PASD1: variants seen among roughly 807,000 people sequenced by gnomAD.
PASD1 encodes the protein circadian clock protein PASD1.
Under a neutral mutation model 58.8 loss-of-function variants are expected in PASD1, and 13 were observed. The ratio of observed to expected loss-of-function variants is 0.22; its 90% CI spans 0.14 to 0.35. PASD1 has a LOEUF of 0.35. Among genes scored for constraint, PASD1 ranks in the 10% least tolerant of loss-of-function variants. The probability of loss-of-function intolerance (pLI) is 1.00; values close to 1 mark genes in which losing one functional copy is unlikely to be tolerated. For synonymous variants in PASD1, 236 were observed against 216.7 expected (o/e 1.09, Z -0.78); for missense variants, 734 against 568.3 (o/e 1.29, Z -2.96).
intron 4 of PASD1, among the ~76,000 whole-genome samples, chrX:151,613,118 G>A (rs780143635): frequency 4.5e-5 from 5 of 111,504 alleles, no homozygotes; most frequent in South Asian, 3.8e-4. Context: ...GTCAAAGATC[G>A]GACAGTTGTA....
intron 1 of PASD1, among the ~76,000 whole-genome samples, chrX:151,568,024 C>A (rs2012873138): frequency 8.9e-6 from 1 of 112,318 alleles, no homozygotes; most frequent in African/African-American, 3.2e-5. Context: ...CACGCCCGAA[C>A]AATTGTCATA....
intron 8 of PASD1, among the ~76,000 whole-genome samples, chrX:151,642,931 C>T (rs2014015222): frequency 9.0e-6 from 1 of 111,157 alleles, no homozygotes; most frequent in South Asian, 3.8e-4. Context: ...TCCAGCACAG[C>T]TTGGGCTTCC....
intron 9 of PASD1, among the ~76,000 whole-genome samples, chrX:151,657,002 A>G (rs1337510563): frequency 1.8e-5 from 2 of 111,438 alleles, no homozygotes; most frequent in South Asian, 3.8e-4. Flanking sequence ...GTTTGTCATA[A>G]ATAGCTCTTA....
At chrX:151,652,270 A>T (rs1178734470) in intron 9 of PASD1, among the ~76,000 whole-genome samples, 1 of 111,965 alleles carries the variant, frequency 8.9e-6, no homozygotes, top group Non-Finnish European at 1.9e-5. Flanking sequence ...ACAGTGGCTC[A>T]TGCCTGTAAT....
At chrX:151,649,578 G>A (rs2014105921) in intron 9 of PASD1, among the ~76,000 whole-genome samples, 1 of 111,836 alleles carries the variant, frequency 8.9e-6, no homozygotes, top group African/African-American at 3.3e-5. Flanking sequence ...TCCTATAATA[G>A]AATGAAACCT....
At chrX:151,570,547 T>C (rs1311485082) in intron 1 of PASD1, among the ~76,000 whole-genome samples, 1 of 112,639 alleles carries the variant, frequency 8.9e-6, no homozygotes, top group Non-Finnish European at 1.9e-5. Flanking sequence ...TCCACAAAAC[T>C]GGCCAAGGAG....
At position 151,621,074 on chromosome X, in the gene PASD1, C is replaced by T. The variant is rs925924628; in HGVS notation, c.307+45C>T. Reference sequence around the variant, plus strand: ...TAGTAAATTCTTAGGTTTTAAGGGACAAGTAACAATCGCTCAATGGATTAA... The same window carrying T: ...TAGTAAATTCTTAGGTTTTAAGGGATAAGTAACAATCGCTCAATGGATTAA... On this transcript the variant is annotated intron_variant, in intron 5 of 15. Coordinates refer to ENST00000370357, the MANE Select transcript of PASD1 (RefSeq NM_173493.3). The T allele has an allele frequency of 5.6e-6, 5 of 887,123 alleles. No homozygotes were observed. The African/African-American group carries it at 9.9e-5, about 18-fold the overall frequency. The allele number at this position is 887,123 out of a possible 1,213,427, so 73.1% of individuals were successfully genotyped here. A position where few individuals can be genotyped will look rare whatever the true frequency, so the allele number is the denominator to read the frequency against.
rs547415996 is a variant in PASD1 at position 151,565,280 on chromosome X, T to G, written c.-28+1441T>G. ...ATCCTTTCCACCAAACTAAAGAGAATGGGCAGAAAGCATTGGACTCATGAC... is the reference window on the plus strand; with the variant it reads ...ATCCTTTCCACCAAACTAAAGAGAAGGGGCAGAAAGCATTGGACTCATGAC... On this transcript the variant is annotated intron_variant, in intron 1 of 15. Transcript: ENST00000370357. Among the ~76,000 whole-genome samples, 4 of 112,424 alleles carry G rather than the reference T, an allele frequency of 3.6e-5. 1 individual carries two copies. The South Asian group carries it at 1.5e-3, about 42-fold the overall frequency.
At chrX:151,578,975 C>A (rs538736469) in intron 1 of PASD1, among the ~76,000 whole-genome samples, 5 of 111,879 alleles carry the variant, frequency 4.5e-5, no homozygotes, top group African/African-American at 1.6e-4. Context: ...AGACCAAATC[C>A]CATTCCATGT....
chrX:151,671,169 A>G lies in PASD1; in HGVS notation c.1203A>G (p.Ala401=), dbSNP rs2014463589. 8.3e-7 allele frequency: 1 copy of G among 1,211,632 alleles called. No individual in the cohort carries two copies. The highest frequency in any genetic ancestry group is 1.1e-6 in the Non-Finnish European group (1 of 895,447). The change falls in exon 12 of 16, where the codon GCA becomes GCG. Residue 401 remains alanine (A), a synonymous_variant. Coordinates refer to ENST00000370357, the MANE Select transcript of PASD1 (RefSeq NM_173493.3). The stretch of plus-strand genomic sequence containing the variant: ...ATGCCATCCAAAACCAGCAGAATGC[A>G]TTGGAATTGATGATGGATCACCTTC... ...LHDAIQNQQN[A]LELMMDHLQK... is the part of the protein sequence containing the mutation.
chrX:151,610,545 A>T (rs1284858246), intron 3 of PASD1, among the ~76,000 whole-genome samples: 1 of 111,537 alleles, frequency 9.0e-6, no homozygotes, highest in Non-Finnish European at 1.9e-5. Context: ...TTATTTTATT[A>T]TGTCTGTTGC....
intron 11 of PASD1, among the ~76,000 whole-genome samples, chrX:151,666,774 C>T (rs1187281945): frequency 9.6e-6 from 1 of 103,924 alleles, no homozygotes; most frequent in Admixed American, 1.1e-4. Context: ...TTTCTTAATC[C>T]AGTATATCAC....
rs748656929 is a variant in PASD1 at position 151,658,587 on chromosome X, G to T, written c.718-1126G>T. Among the ~76,000 whole-genome samples, 3 of 112,115 alleles carry T rather than the reference G, an allele frequency of 2.7e-5. No individual in the cohort carries two copies. The South Asian group carries it at 1.1e-3, about 42-fold the overall frequency. On this transcript the variant is annotated intron_variant, in intron 9 of 15. Coordinates refer to ENST00000370357, the MANE Select transcript of PASD1 (RefSeq NM_173493.3). Reference sequence around the variant, plus strand: ...GTCATATCTCCTCTTAATGAATACCGATTCACCATAATGTCATTGTAAGTA... The same window carrying T: ...GTCATATCTCCTCTTAATGAATACCTATTCACCATAATGTCATTGTAAGTA...
intron 1 of PASD1, among the ~76,000 whole-genome samples, chrX:151,592,422 C>T (rs1281053228): frequency 1.8e-5 from 2 of 111,082 alleles, no homozygotes; most frequent in African/African-American, 6.5e-5. Flanking sequence ...TATGAAGGAA[C>T]CTATAAATGT....
At position 151,656,855 on chromosome X, in the gene PASD1, C is replaced by T. The variant is rs754749815; in HGVS notation, c.718-2858C>T. On this transcript the variant is annotated intron_variant, in intron 9 of 15. Coordinates refer to ENST00000370357, the MANE Select transcript of PASD1 (RefSeq NM_173493.3). ...CTAATTGAATACCATTTATTTCTTT[C>T]TCCTGCCTGATTGCCCTGGCCAGAA... Among the ~76,000 whole-genome samples, 3 of 111,855 alleles carry T rather than the reference C, an allele frequency of 2.7e-5. No homozygotes were observed. The Admixed American group carries it at 2.8e-4, about 11-fold the overall frequency.
At chrX:151,565,783 C>T (rs1289176652) in intron 1 of PASD1, among the ~76,000 whole-genome samples, 1 of 111,276 alleles carries the variant, frequency 9.0e-6, no homozygotes, top group East Asian at 2.8e-4. Flanking sequence ...TGGTCTCGAT[C>T]TCCTGACCTG....
intron 3 of PASD1, among the ~76,000 whole-genome samples, 160 bp downstream of exon 3, chrX:151,604,894 T>C (rs2013467812): frequency 1.8e-5 from 2 of 111,917 alleles, no homozygotes; most frequent in Admixed American, 1.9e-4. Flanking sequence ...TCAAACCTGT[T>C]AGGGCCGGGA....
intron 8 of PASD1, among the ~76,000 whole-genome samples, chrX:151,638,438 TAA>T (rs74857824): frequency 3.1e-4 from 28 of 90,582 alleles, no homozygotes; most frequent in Non-Finnish European, 2.0e-4. Context: ...GAACTTAAAG[TAA>T]AAAAAAAAAA....
intron 13 of PASD1, 150 bp downstream of exon 13, chrX:151,671,929 A>T: frequency 1.4e-6 from 1 of 718,501 alleles, no homozygotes. Flanking sequence ...GGCTACCTAG[A>T]CCTGAATGCA....
Sources: gnomAD v4.1 joint callset for allele counts (sites outside exome capture counted in the v4.1 genomes callset) on GRCh38, gnomAD v4.1.1 for gene constraint, MANE v1.5 for transcripts, NCBI Gene and HGNC (gene_info 2026-07-23, HGNC 2026-07-21) for gene names.